RNF150: variants seen among roughly 807,000 people sequenced by gnomAD.
RNF150 encodes ring finger protein 150.
A neutral mutation model predicts 39.3 loss-of-function variants in RNF150; 24 were observed. The observed-to-expected ratio is 0.61, with a 90% CI of 0.44 to 0.86. The LOEUF is 0.86. RNF150 is among the 40% of genes least tolerant of loss of function. The probability of loss-of-function intolerance (pLI) is 0.00; values close to 1 mark genes in which losing one functional copy is unlikely to be tolerated. For synonymous variants in RNF150, 255 were observed against 227.3 expected (o/e 1.12, Z -1.10); for missense variants, 502 against 587.8 (o/e 0.85, Z 1.51).
intron 1 of RNF150, among the ~76,000 whole-genome samples, chr4:140,984,167 G>T (rs1192628194): frequency 6.6e-6 from 1 of 152,080 alleles, no homozygotes; most frequent in Admixed American, 6.6e-5. Flanking sequence ...TCAGATTAGG[G>T]ACACTCAACC....
At chr4:140,895,403 C>A (rs187487384) in intron 6 of RNF150, among the ~76,000 whole-genome samples, 8 of 152,118 alleles carry the variant, frequency 5.3e-5, no homozygotes, top group Admixed American at 4.6e-4. Flanking sequence ...CCACAATATG[C>A]CTTGGAAGCA....
At chr4:141,195,832 C>T (rs764202317) in intron 1 of RNF150, among the ~76,000 whole-genome samples, 9 of 152,028 alleles carry the variant, frequency 5.9e-5, no homozygotes, top group Non-Finnish European at 7.4e-5. Flanking sequence ...ACATGCATCA[C>T]GATTCTAGAG....
chr4:141,203,504 T>C (rs576932135), intron 1 of RNF150, among the ~76,000 whole-genome samples: 4 of 152,134 alleles, frequency 2.6e-5, no homozygotes, highest in African/African-American at 9.6e-5. Context: ...TAATGTGCTC[T>C]GGTCACCATT....
chr4:141,159,947 C>T (rs1444810950), intron 1 of RNF150, among the ~76,000 whole-genome samples: 1 of 152,034 alleles, frequency 6.6e-6, no homozygotes, highest in Non-Finnish European at 1.5e-5. Flanking sequence ...TTGTCTGTTA[C>T]AATTCGCAAC....
intron 2 of RNF150, among the ~76,000 whole-genome samples, chr4:140,952,704 T>C (rs1732587663): frequency 6.6e-6 from 1 of 152,216 alleles, no homozygotes; most frequent in African/African-American, 2.4e-5. Flanking sequence ...ATTCCATTAC[T>C]GGCATTTGTA....
intron 1 of RNF150, among the ~76,000 whole-genome samples, chr4:141,055,707 G>A (rs367852025): frequency 1.3e-5 from 2 of 152,146 alleles, no homozygotes; most frequent in African/African-American, 4.8e-5. Flanking sequence ...GACAGGGGAT[G>A]AGAAGGTTTA....
At chr4:140,961,060 C>A (rs1216960633) in intron 2 of RNF150, among the ~76,000 whole-genome samples, 1 of 152,084 alleles carries the variant, frequency 6.6e-6, no homozygotes, top group Non-Finnish European at 1.5e-5. Context: ...ACCCATCTGA[C>A]TCCAAAGTTG....
intron 1 of RNF150, among the ~76,000 whole-genome samples, chr4:141,000,001 AGAAGAAGAAGAAG>A (rs1416915880): frequency 3.0e-4 from 9 of 30,352 alleles, no homozygotes; most frequent in Non-Finnish European, 5.6e-4. Flanking sequence ...GAAAAGAAGA[AGAAGAAGAAGAAG>A]AAGAAGAAGA....
chr4:141,191,794 C>T (rs927726990), intron 1 of RNF150, among the ~76,000 whole-genome samples: 1 of 152,172 alleles, frequency 6.6e-6, no homozygotes, highest in Non-Finnish European at 1.5e-5. Context: ...TGGCTTTGTG[C>T]CCATTGAAGG....
intron 1 of RNF150, among the ~76,000 whole-genome samples, chr4:141,142,861 CTCTCTTTTT>C (rs1216351481): frequency 1.5e-4 from 23 of 151,520 alleles, no homozygotes; most frequent in Non-Finnish European, 2.8e-4. Context: ...TTCTAGGTAT[CTCTCTTTTT>C]TCTCTTTTTT....
intron 1 of RNF150, among the ~76,000 whole-genome samples, chr4:141,072,006 C>T (rs1737724949): frequency 6.6e-6 from 1 of 152,106 alleles, no homozygotes; most frequent in Non-Finnish European, 1.5e-5. Flanking sequence ...ATCAATCACC[C>T]TGGAAACTTG....
At chr4:141,129,848 A>G (rs371828598) in intron 1 of RNF150, among the ~76,000 whole-genome samples, 21 of 152,354 alleles carry the variant, frequency 1.4e-4, no homozygotes, top group African/African-American at 4.6e-4. Flanking sequence ...TAGATGTTAA[A>G]CGACAGGTTG....
intron 1 of RNF150, among the ~76,000 whole-genome samples, chr4:141,008,360 C>T (rs949330847): frequency 6.6e-6 from 1 of 152,034 alleles, no homozygotes; most frequent in Non-Finnish European, 1.5e-5. Context: ...ATCTCTTCTC[C>T]TAATGTGTGG....
At chr4:141,157,215 T>TC (rs34144656) in intron 1 of RNF150, among the ~76,000 whole-genome samples, 2,127 of 150,958 alleles carry the variant, frequency 0.014, 44 homozygotes, top group African/African-American at 0.049. Flanking sequence ...GCACAATATC[T>TC]CCCCCCCCAA....
intron 1 of RNF150, among the ~76,000 whole-genome samples, chr4:141,027,131 G>C (rs1735731990): frequency 6.6e-6 from 1 of 152,104 alleles, no homozygotes; most frequent in Non-Finnish European, 1.5e-5. Context: ...CCTCTTCAGT[G>C]GGTCTGCAAC....
chr4:140,961,869 A>C (rs974608981), intron 2 of RNF150, among the ~76,000 whole-genome samples: 2 of 152,068 alleles, frequency 1.3e-5, no homozygotes, highest in South Asian at 4.1e-4. Context: ...CACAGTATGC[A>C]TGTGTCTAGA....
chr4:140,895,887 G>C (rs1007428888), intron 6 of RNF150, among the ~76,000 whole-genome samples: 1 of 151,762 alleles, frequency 6.6e-6, no homozygotes, highest in Admixed American at 6.6e-5. Flanking sequence ...GACATGAACA[G>C]ACACTTCTCA....
At chr4:141,075,636 T>C (rs957009780) in intron 1 of RNF150, among the ~76,000 whole-genome samples, 2 of 152,252 alleles carry the variant, frequency 1.3e-5, no homozygotes, top group Admixed American at 1.3e-4. Context: ...AATACTGTTT[T>C]TCTACATCAT....
At chr4:141,118,136 T>C (rs1383909572) in intron 1 of RNF150, among the ~76,000 whole-genome samples, 5 of 152,088 alleles carry the variant, frequency 3.3e-5, no homozygotes, top group African/African-American at 1.2e-4. Flanking sequence ...CTCTGCTTCC[T>C]GGGGAGCTAG....
Sources: gnomAD v4.1 joint callset for allele counts (sites outside exome capture counted in the v4.1 genomes callset) on GRCh38, gnomAD v4.1.1 for gene constraint, MANE v1.5 for transcripts, NCBI Gene and HGNC (gene_info 2026-07-23, HGNC 2026-07-21) for gene names.